RANBP9: variants seen among roughly 807,000 people sequenced by gnomAD.
RANBP9 encodes the protein ran-binding protein 9.
In RANBP9, 15 loss-of-function variants were observed where a neutral mutation model predicts 84.3. The ratio of observed to expected loss-of-function variants is 0.18; its 90% confidence interval spans 0.12 to 0.27. RANBP9 has a LOEUF of 0.27. RANBP9 is among the 10% of genes least tolerant of loss of function. The probability of loss-of-function intolerance (pLI) is 1.00; values close to 1 mark genes in which losing one functional copy is unlikely to be tolerated. For synonymous variants in RANBP9, 392 were observed against 349.6 expected, an observed-to-expected ratio of 1.12 and a Z score of -1.35; for missense variants, 809 against 912.8, an observed-to-expected ratio of 0.89 and a Z score of 1.46.
At chr6:13,686,112 C>T (rs1584942563) in intron 2 of RANBP9, among the ~76,000 whole-genome samples, 2 of 1,996 alleles carry the variant, frequency 1.0e-3, no homozygotes, top group Non-Finnish European at 1.7e-3. Flanking sequence ...CCCCCCCCCC[C>T]CCCGCCCCCC....
In RANBP9 at chr6:13,644,634, A is replaced by G. The variant is rs758677285; in HGVS notation, c.1023T>C (p.Tyr341=). 2 of 1,613,662 alleles carry G rather than the reference A, an allele frequency of 1.2e-6. No individual in the cohort carries two copies. The highest frequency in any genetic ancestry group is 1.7e-6 in the Non-Finnish European group (2 of 1,179,760). ...GGATTTTGGTTCTCCACTCCCGCAT[A>G]TAGTCTTCTATATCAAACACGAAAG... ...QHPFVFDIED[Y]MREWRTKIQA... is the part of the protein sequence containing the mutation. Residue 341 remains tyrosine (Y), a synonymous_variant, in exon 6 of 14, where the codon TAT becomes TAC. Coordinates refer to ENST00000011619, the MANE Select transcript of RANBP9 (RefSeq NM_005493.3).
At chr6:13,640,647 C>A (rs1020159956) in intron 8 of RANBP9, among the ~76,000 whole-genome samples, 1 of 151,996 alleles carries the variant, frequency 6.6e-6, no homozygotes, top group African/African-American at 2.4e-5. Flanking sequence ...CTAAAATAAG[C>A]CAGTAATGAA....
chr6:13,680,797 A>G (rs540663395), intron 2 of RANBP9, among the ~76,000 whole-genome samples: 33 of 151,652 alleles, frequency 2.2e-4, no homozygotes, highest in Admixed American at 1.4e-3. Context: ...TGAGCCAGGG[A>G]TTTTACATAC....
At chr6:13,624,348 A>C (rs12664567) in intron 13 of RANBP9, among the ~76,000 whole-genome samples, 76,984 of 152,030 alleles carry the variant, frequency 0.51, 20,513 homozygotes, top group Admixed American at 0.63. Flanking sequence ...ACTACTCTTT[A>C]ATCTACTTTT....
chr6:13,670,544 C>G (rs1051939513), intron 2 of RANBP9, among the ~76,000 whole-genome samples: 1 of 152,088 alleles, frequency 6.6e-6, no homozygotes, highest in Admixed American at 6.5e-5. Flanking sequence ...TGCCTGTAAT[C>G]CCAGCACTTT....
chr6:13,689,741 T>C (rs1766280661), intron 2 of RANBP9, among the ~76,000 whole-genome samples: 1 of 152,216 alleles, frequency 6.6e-6, no homozygotes, highest in Admixed American at 6.5e-5. Context: ...TCTTACTCAT[T>C]TTGTAAGGTC....
chr6:13,698,303 C>A (rs893341492), intron 1 of RANBP9, among the ~76,000 whole-genome samples: 5 of 152,164 alleles, frequency 3.3e-5, no homozygotes, highest in African/African-American at 4.8e-5. Flanking sequence ...TATTTACATG[C>A]ATCAAAACTA....
At chr6:13,651,140 G>C (rs1765286182) in intron 5 of RANBP9, among the ~76,000 whole-genome samples, 1 of 152,026 alleles carries the variant, frequency 6.6e-6, no homozygotes, top group Non-Finnish European at 1.5e-5. Context: ...CATTCAGTGA[G>C]TATAAAATAA....
intron 2 of RANBP9, among the ~76,000 whole-genome samples, chr6:13,693,623 C>A (rs546558679): frequency 5.1e-4 from 77 of 152,222 alleles, no homozygotes; most frequent in African/African-American, 1.8e-3. Context: ...CAGCAGATAT[C>A]ATATCCCTCC....
intron 2 of RANBP9, among the ~76,000 whole-genome samples, chr6:13,675,495 T>C (rs1272418671): frequency 6.6e-6 from 1 of 152,096 alleles, no homozygotes. Flanking sequence ...GTGAAAGCAG[T>C]GCCTACAGAG....
chr6:13,711,821 C>T lies in RANBP9; in HGVS notation c.-316G>A, dbSNP rs1278480936. Among the ~76,000 whole-genome samples the T allele has an allele frequency of 1.4e-5, 2 of 146,058 alleles. No homozygotes were observed. The highest frequency in any genetic ancestry group is 2.1e-4 in the South Asian group (1 of 4,798). ...GCGCTGGCGGCCGCCGCGGCCGCTG[C>T]TCTCGCGGCTGTTTCCCGGCGGGCG... On this transcript the variant is annotated 5_prime_UTR_variant, in exon 1 of 14. Coordinates refer to ENST00000011619, the MANE Select transcript of RANBP9 (RefSeq NM_005493.3).
chr6:13,652,829 T>TTA, intron 4 of RANBP9, 148 bp from the exon 5 acceptor site: 1 of 649,474 alleles, frequency 1.5e-6, no homozygotes, highest in Non-Finnish European at 2.6e-6. Context: ...TAATTTTTAA[T>TTA]CAATAATACT....
chr6:13,649,585 C>A (rs1765249234), intron 5 of RANBP9, among the ~76,000 whole-genome samples: 1 of 152,126 alleles, frequency 6.6e-6, no homozygotes, highest in African/African-American at 2.4e-5. Flanking sequence ...TCTGCACCTA[C>A]ACACTCTGCC....
chr6:13,656,851 A>G (rs1347196499), intron 4 of RANBP9, among the ~76,000 whole-genome samples: 1 of 152,184 alleles, frequency 6.6e-6, no homozygotes, highest in Non-Finnish European at 1.5e-5. Context: ...TATTTCTAGA[A>G]TAAGTATCTC....
At chr6:13,641,075 A>T in intron 8 of RANBP9, 124 bp downstream of exon 8, 1 of 536,152 alleles carries the variant, frequency 1.9e-6, no homozygotes, top group Non-Finnish European at 3.1e-6. Flanking sequence ...GACATTACAA[A>T]ATTGTATATA....
intron 2 of RANBP9, 37 bp downstream of exon 2, chr6:13,696,748 A>C: frequency 6.5e-7 from 1 of 1,533,588 alleles, no homozygotes; most frequent in Non-Finnish European, 8.9e-7. Flanking sequence ...AAAACAAAAA[A>C]ACTAGCAAAC....
chr6:13,696,736 C>T lies in RANBP9; in HGVS notation c.683+49G>A, dbSNP rs377277764. 7.7e-5 allele frequency: 115 copies of T among 1,490,624 alleles called. 1 individual carries two copies. The South Asian group carries it at 1.2e-3, about 15-fold the overall frequency. The allele number at this position is 1,490,624 out of a possible 1,614,324, so 92.3% of individuals were successfully genotyped here. ...CCAATTACATCATAAACATTATGAA[C>T]CAAAACAAAAAAACTAGCAAACGAT... On this transcript the variant is annotated intron_variant, in intron 2 of 13. Transcript: ENST00000011619.
intron 1 of RANBP9, among the ~76,000 whole-genome samples, chr6:13,710,711 C>G (rs1382604860): frequency 6.6e-6 from 1 of 152,238 alleles, no homozygotes; most frequent in Non-Finnish European, 1.5e-5. Context: ...CCTTTCTACC[C>G]TGGGGCATTC....
chr6:13,705,151 C>G (rs1758071477), intron 1 of RANBP9, among the ~76,000 whole-genome samples: 1 of 152,112 alleles, frequency 6.6e-6, no homozygotes, highest in African/African-American at 2.4e-5. Context: ...CGCCTATAAT[C>G]CCAGCACTTT....
Sources: allele counts gnomAD v4.1 joint callset (sites outside exome capture counted in the v4.1 genomes callset), GRCh38; gene constraint gnomAD v4.1.1; transcripts MANE v1.5; gene names NCBI Gene and HGNC (gene_info 2026-07-23, HGNC 2026-07-21).